DNAJC27: variants seen among roughly 807,000 people sequenced by gnomAD.
DNAJC27 encodes the protein dnaJ homolog subfamily C member 27.
A neutral mutation model predicts 31.4 loss-of-function variants in DNAJC27; 25 were observed. The observed-to-expected ratio is 0.80, with a 90% confidence interval of 0.58 to 1.11. The LOEUF (loss-of-function observed/expected upper bound fraction) is 1.11, where lower values mean the gene tolerates loss of function less well. Among genes scored for constraint, DNAJC27 ranks in the 50% most tolerant of loss-of-function variants. The pLI is 0.00. For synonymous variants in DNAJC27, 106 were observed against 112.7 expected, an observed-to-expected ratio of 0.94 and a Z score of 0.37; for missense variants, 356 against 347.3, an observed-to-expected ratio of 1.02 and a Z score of -0.20.
At chr2:24,956,948 G>C in intron 5 of DNAJC27, 95 bp downstream of exon 5, 1 of 1,427,218 alleles carries the variant, frequency 7.0e-7, no homozygotes, top group Non-Finnish European at 9.5e-7. Context: ...ATTCTAATGA[G>C]AAATTCCTAT....
intron 5 of DNAJC27, among the ~76,000 whole-genome samples, chr2:24,953,902 C>A (rs973468567): frequency 1.3e-5 from 2 of 152,172 alleles, no homozygotes; most frequent in Admixed American, 1.3e-4. Flanking sequence ...CTGGACTAGA[C>A]TTCCTGCCAT....
intron 3 of DNAJC27, among the ~76,000 whole-genome samples, chr2:24,959,495 G>A (rs1237568207): frequency 6.6e-6 from 1 of 152,112 alleles, no homozygotes; most frequent in Non-Finnish European, 1.5e-5. Context: ...ATGCACACAG[G>A]AAACCCCTCA....
intron 1 of DNAJC27, among the ~76,000 whole-genome samples, chr2:24,968,585 G>A (rs1023784968): frequency 3.3e-5 from 5 of 151,634 alleles, no homozygotes; most frequent in African/African-American, 9.7e-5. Flanking sequence ...CCCGTGAACC[G>A]CCCGCCTCGG....
At chr2:24,971,317 C>G (rs1398634934) in intron 1 of DNAJC27, 2 of 153,116 alleles carry the variant, frequency 1.3e-5, no homozygotes, top group Non-Finnish European at 2.9e-5. Context: ...TGCACCTCCC[C>G]TGTGAAACAC....
chr2:24,967,346 C>G (rs907243127), intron 1 of DNAJC27, 53 bp from the exon 2 acceptor site: 1 of 1,206,320 alleles, frequency 8.3e-7, no homozygotes, highest in Admixed American at 1.8e-5. Flanking sequence ...AGAACACATA[C>G]AGAATAAGTA....
intron 5 of DNAJC27, among the ~76,000 whole-genome samples, chr2:24,954,943 G>C (rs1178715446): frequency 1.3e-5 from 2 of 149,562 alleles, no homozygotes; most frequent in African/African-American, 4.9e-5. Flanking sequence ...CTCAAAAAAA[G>C]AAAAAAAAAC....
chr2:24,967,991 G>A (rs1666232788), intron 1 of DNAJC27, among the ~76,000 whole-genome samples: 1 of 144,446 alleles, frequency 6.9e-6, no homozygotes, highest in South Asian at 2.2e-4. Flanking sequence ...AGGAGAGGCT[G>A]CAGTGAGCCA....
At chr2:24,967,059 T>C (rs1256322875) in intron 2 of DNAJC27, 152 bp downstream of exon 2, 3 of 640,994 alleles carry the variant, frequency 4.7e-6, no homozygotes, top group Non-Finnish European at 5.6e-6. Context: ...ACTAGATACC[T>C]GTAAAGGTCT....
intron 1 of DNAJC27, among the ~76,000 whole-genome samples, chr2:24,968,461 C>T (rs1666243101): frequency 6.6e-6 from 1 of 151,672 alleles, no homozygotes; most frequent in African/African-American, 2.4e-5. Context: ...TTAAAAGTTA[C>T]ACTTAAATCT....
In DNAJC27 at chr2:24,944,144, T is replaced by G. The variant is rs1665591405; in HGVS notation, c.*3472A>C. On this transcript the variant is annotated 3_prime_UTR_variant, in exon 7 of 7. Coordinates refer to ENST00000264711, the MANE Select transcript of DNAJC27 (RefSeq NM_016544.3). ...TTGCAGCTAAGTTCATTTTCAAAAG[T>G]TTTACAAAACCTTTGATTCAGAGTA... is the stretch of plus-strand genomic sequence containing the variant. The G allele has an allele frequency of 6.6e-6, 1 of 152,198 alleles. No individual in the cohort carries two copies. Among genetic ancestry groups the G allele is most frequent in the Admixed American group, 6.5e-5 (1 of 15,280 alleles). The allele number at this position is 152,198 out of a possible 1,614,324, so 9.4% of individuals were successfully genotyped here.
chr2:24,964,572 T>G (rs988902537), intron 2 of DNAJC27, among the ~76,000 whole-genome samples: 19 of 152,352 alleles, frequency 1.2e-4, no homozygotes, highest in African/African-American at 4.6e-4. Flanking sequence ...CAGCCATCTC[T>G]GAGGCCCAGC....
intron 3 of DNAJC27, among the ~76,000 whole-genome samples, chr2:24,960,883 A>C (rs769730667): frequency 6.6e-6 from 1 of 152,262 alleles, no homozygotes; most frequent in Non-Finnish European, 1.5e-5. Context: ...GAAGCAGCAC[A>C]TGCTGATGTA....
intron 1 of DNAJC27, 125 bp downstream of exon 1, chr2:24,971,693 G>A (rs1265426162): frequency 7.6e-6 from 6 of 786,084 alleles, no homozygotes; most frequent in East Asian, 3.1e-5. Context: ...CCTCGGCTGA[G>A]ACCCGGGCCT....
intron 3 of DNAJC27, among the ~76,000 whole-genome samples, chr2:24,960,348 C>G (rs2149127003): frequency 6.6e-6 from 1 of 152,328 alleles, no homozygotes; most frequent in Non-Finnish European, 1.5e-5. Flanking sequence ...CCCCATCTCT[C>G]TCCCACTCCT....
In DNAJC27 at chr2:24,947,726, G is replaced by C; in HGVS notation, c.712C>G (p.Arg238Gly). 3 of 1,613,382 alleles carry C rather than the reference G, an allele frequency of 1.9e-6. No homozygotes were observed. The highest frequency in any genetic ancestry group is 2.5e-6 in the Non-Finnish European group (3 of 1,179,418). The change falls in exon 7 of 7, where the codon CGG (arginine) becomes GGG (glycine). Residue 238 changes from arginine (R) to glycine (G), a missense_variant. Physicochemically the swap from Arg to Gly is moderately radical, Grantham distance 125. Transcript: ENST00000264711. ...ASRDEVNKAYRKLAVLLHPDK... is the reference protein window; with the variant it reads ...ASRDEVNKAYGKLAVLLHPDK... The stretch of plus-strand genomic sequence containing the variant: ...GGGTGAAGAAGCACAGCAAGTTTCC[G>C]ATACGCTTTATTGACTTCATCCCTG...
chr2:24,947,761 G>C lies in DNAJC27; in HGVS notation c.690-13C>G. The C allele has an allele frequency of 6.2e-7, 1 of 1,609,076 alleles. No individual in the cohort carries two copies. Among genetic ancestry groups the C allele is most frequent in the Non-Finnish European group, 8.5e-7 (1 of 1,176,134 alleles). The stretch of plus-strand genomic sequence containing the variant: ...ATTGACTTCATCCCTGGGAAAAGAA[G>C]CCAAGATCTATGTTAGTAACAGAGT... On this transcript the variant is annotated splice_polypyrimidine_tract_variant and intron_variant, in intron 6 of 6. Transcript: ENST00000264711.
rs749854639 is a variant in DNAJC27, at chr2:24,957,062, C to G, written c.509G>C (p.Gly170Ala). ...GCTTACCTGGAACATCTCATTAATG[C>G]CTTCTCCAGTTTGTGCTGAAGTTTC... is the stretch of plus-strand genomic sequence containing the variant. ...YFETSAQTGE[G>A]INEMFQTFYI... Residue 170 changes from glycine (G) to alanine (A), a missense_variant, in exon 5 of 7, where the codon GGC becomes GCC. Transcript: ENST00000264711. The G allele has an allele frequency of 1.2e-6, 2 of 1,608,270 alleles. No homozygotes were observed. The highest frequency in any genetic ancestry group is 1.7e-6 in the Non-Finnish European group (2 of 1,178,074).
Position 24,957,134 on chromosome 2 carries a change from T to C in DNAJC27, c.437A>G (p.Glu146Gly). The C allele has an allele frequency of 6.2e-7, 1 of 1,606,846 alleles. No homozygotes were observed. Among genetic ancestry groups the C allele is most frequent in the Non-Finnish European group, 8.5e-7 (1 of 1,177,710 alleles). Residue 146 changes from glutamate to glycine, a missense_variant, in exon 5 of 7, where the codon GAA becomes GGA. By Grantham distance (98) the Glu-to-Gly change is moderately conservative. Coordinates refer to ENST00000264711, the MANE Select transcript of DNAJC27 (RefSeq NM_016544.3). Reference sequence around the variant, plus strand: ...TTCAGCCCAAAGACGTCCTTCACTTTCATCTACACAGCGATGTTTGGTACA... The same window carrying C: ...TTCAGCCCAAAGACGTCCTTCACTTCCATCTACACAGCGATGTTTGGTACA... The part of the protein sequence containing the change: ...IDCTKHRCVD[E>G]SEGRLWAESK...
chr2:24,964,500 G>A (rs1434459042), intron 2 of DNAJC27, among the ~76,000 whole-genome samples: 1 of 151,896 alleles, frequency 6.6e-6, no homozygotes, highest in African/African-American at 2.4e-5. Context: ...AGTTATTCCA[G>A]GCCAACAGGT....
Sources: gnomAD v4.1 joint callset for allele counts (sites outside exome capture counted in the v4.1 genomes callset) on GRCh38, gnomAD v4.1.1 for gene constraint, MANE v1.5 for transcripts, NCBI Gene and HGNC (gene_info 2026-07-23, HGNC 2026-07-21) for gene names.